The following ADCY1 variants were observed in gnomAD, a reference collection of about 807,000 sequenced individuals.
The protein encoded by ADCY1 is adenylate cyclase type 1.
In ADCY1, 28 loss-of-function variants were observed where a neutral mutation model predicts 105.4. The observed-to-expected ratio is 0.27, with a 90% CI of 0.20 to 0.36. The LOEUF is 0.36. Ranked by LOEUF, ADCY1 falls within the 10% of genes least tolerant of loss-of-function variation. The probability of loss-of-function intolerance (pLI) is 1.00; values close to 1 mark genes in which losing one functional copy is unlikely to be tolerated. For synonymous variants in ADCY1, 655 were observed against 623.8 expected (o/e 1.05, Z -0.75); for missense variants, 977 against 1,434.2 (o/e 0.68, Z 5.15).
intron 2 of ADCY1, among the ~76,000 whole-genome samples, chr7:45,609,832 A>C (rs1250320401): frequency 6.6e-6 from 1 of 152,166 alleles, no homozygotes; most frequent in Non-Finnish European, 1.5e-5. Context: ...TGAAAAATCC[A>C]AACATTTATT....
chr7:45,628,590 A>G (rs1794132640), intron 4 of ADCY1, among the ~76,000 whole-genome samples: 1 of 152,126 alleles, frequency 6.6e-6, no homozygotes, highest in Admixed American at 6.5e-5. Context: ...AGGACATCCC[A>G]TGGGCTGTGT....
chr7:45,692,628 C>T (rs1007302990), intron 14 of ADCY1, among the ~76,000 whole-genome samples: 1 of 152,120 alleles, frequency 6.6e-6, no homozygotes, highest in East Asian at 1.9e-4. Context: ...AAAATCAGTT[C>T]ATAATACTGT....
intron 2 of ADCY1, among the ~76,000 whole-genome samples, chr7:45,598,784 AT>A (rs1793141807): frequency 6.6e-6 from 1 of 152,242 alleles, no homozygotes; most frequent in Non-Finnish European, 1.5e-5. Flanking sequence ...CGCGATTGCA[AT>A]TTGATCAGTC....
intron 19 of ADCY1, among the ~76,000 whole-genome samples, chr7:45,711,626 TATATATATATATATATATAC>T (rs1249735253): frequency 1.1e-4 from 4 of 35,846 alleles, no homozygotes; most frequent in South Asian, 2.0e-3. Flanking sequence ...TATATATATA[TATATATATATATATATATAC>T]ACACACACAC....
At chr7:45,644,313 C>T (rs1371083319) in intron 4 of ADCY1, among the ~76,000 whole-genome samples, 2 of 152,192 alleles carry the variant, frequency 1.3e-5, no homozygotes, top group African/African-American at 4.8e-5. Context: ...CTGCTTTCTT[C>T]TAGACGTTAC....
chr7:45,669,786 C>G (rs113542271), intron 8 of ADCY1, among the ~76,000 whole-genome samples: 247 of 152,306 alleles, frequency 1.6e-3, no homozygotes, highest in African/African-American at 5.8e-3. Context: ...TTGGTCCACA[C>G]TTTTTGAAAC....
chr7:45,711,977 T>C (rs1400961303), intron 19 of ADCY1, among the ~76,000 whole-genome samples: 18 of 121,448 alleles, frequency 1.5e-4, no homozygotes, highest in African/African-American at 6.0e-4. Flanking sequence ...ATACATATTA[T>C]ATTAAATATA....
intron 5 of ADCY1, among the ~76,000 whole-genome samples, chr7:45,650,910 C>T (rs1794791920): frequency 6.6e-6 from 1 of 152,190 alleles, no homozygotes; most frequent in African/African-American, 2.4e-5. Context: ...CTGGCTTGCT[C>T]CACTTTCTGG....
intron 8 of ADCY1, among the ~76,000 whole-genome samples, chr7:45,662,796 A>G (rs531859754): frequency 6.6e-6 from 1 of 152,168 alleles, no homozygotes; most frequent in Non-Finnish European, 1.5e-5. Context: ...GCAGTGCCTG[A>G]TTCCCCACCC....
intron 4 of ADCY1, among the ~76,000 whole-genome samples, chr7:45,634,591 C>G (rs1794348721): frequency 6.6e-6 from 1 of 152,104 alleles, no homozygotes; most frequent in African/African-American, 2.4e-5. Context: ...ACAAGCCCTA[C>G]TTGGACATAA....
chr7:45,584,797 A>C (rs2115735732), intron 1 of ADCY1, among the ~76,000 whole-genome samples: 1 of 152,180 alleles, frequency 6.6e-6, no homozygotes, highest in Non-Finnish European at 1.5e-5. Flanking sequence ...CTGTGGGGGC[A>C]CCTGTGGGTT....
intron 2 of ADCY1, among the ~76,000 whole-genome samples, chr7:45,593,476 T>G (rs1792984764): frequency 6.6e-6 from 1 of 152,176 alleles, no homozygotes; most frequent in Non-Finnish European, 1.5e-5. Flanking sequence ...GAGCAGTGGC[T>G]TGGAAGGAGC....
In ADCY1 at chr7:45,581,844, AAC is replaced by A. The variant is rs769288579; in HGVS notation, c.639+6672_639+6673del. On this transcript the variant is annotated intron_variant, in intron 1 of 19. Transcript: ENST00000297323. ...AAACACATGCTCATACACACACATA[AAC>A]ACACACACATACATGCACATACCCA... is the stretch of plus-strand genomic sequence containing the variant. Among the ~76,000 whole-genome samples the A allele has an allele frequency of 4.6e-5, 7 of 152,028 alleles. 1 individual carries two copies. The highest frequency in any genetic ancestry group is 3.3e-4 in the Admixed American group (5 of 15,274).
At chr7:45,587,280 G>A (rs1488668453) in intron 1 of ADCY1, among the ~76,000 whole-genome samples, 7 of 152,218 alleles carry the variant, frequency 4.6e-5, no homozygotes, top group South Asian at 2.1e-4. Flanking sequence ...TTCCATGTAT[G>A]TGCATGGCAT....
At position 45,722,550 on chromosome 7, in the gene ADCY1, C is replaced by A. The variant is rs913827859; in HGVS notation, c.*8555C>A. ...TCCTCATTTATACTGATTGCACACC[C>A]CCCGCTCAAACAACAATGTCCTTAT... On this transcript the variant is annotated 3_prime_UTR_variant, in exon 20 of 20. Coordinates refer to ENST00000297323, the MANE Select transcript of ADCY1 (RefSeq NM_021116.4). The A allele has an allele frequency of 6.6e-6, 1 of 152,256 alleles. No individual in the cohort carries two copies. Among genetic ancestry groups the A allele is most frequent in the African/African-American group, 2.4e-5 (1 of 41,458 alleles). 9.4% of individuals were successfully genotyped at this position (152,256 alleles called of 1,614,324 possible).
At chr7:45,658,377 A>G (rs919757251) in intron 6 of ADCY1, among the ~76,000 whole-genome samples, 20 of 152,114 alleles carry the variant, frequency 1.3e-4, no homozygotes, top group African/African-American at 4.6e-4. Context: ...GAGAAGTGCC[A>G]TGGGCTGTTG....
intron 8 of ADCY1, among the ~76,000 whole-genome samples, chr7:45,665,481 C>A (rs907117837): frequency 1.3e-5 from 2 of 152,228 alleles, no homozygotes; most frequent in Admixed American, 6.5e-5. Flanking sequence ...ATAGGTACAC[C>A]CAGAAGCCTC....
chr7:45,602,285 G>GC (rs575090512), intron 2 of ADCY1, among the ~76,000 whole-genome samples: 62 of 152,082 alleles, frequency 4.1e-4, no homozygotes, highest in African/African-American at 1.3e-3. Flanking sequence ...CAAGGGTCTA[G>GC]CCTGAAGTCT....
chr7:45,624,428 A>G (rs908343876), intron 4 of ADCY1, among the ~76,000 whole-genome samples: 3 of 152,128 alleles, frequency 2.0e-5, no homozygotes, highest in African/African-American at 7.2e-5. Context: ...AGGTCTTGAG[A>G]TCCAGTTGTA....
Sources: allele counts gnomAD v4.1 joint callset (sites outside exome capture counted in the v4.1 genomes callset), GRCh38; gene constraint gnomAD v4.1.1; transcripts MANE v1.5; gene names NCBI Gene and HGNC (gene_info 2026-07-23, HGNC 2026-07-21).